Variants in ROBO1 observed in about 807,000 individuals in gnomAD.
ROBO1 encodes roundabout guidance receptor 1.
In ROBO1, 149 loss-of-function variants were observed where a neutral mutation model predicts 195.9. The observed-to-expected ratio is 0.76, with a 90% confidence interval of 0.67 to 0.87. The LOEUF (loss-of-function observed/expected upper bound fraction) is 0.87. Among genes scored for constraint, ROBO1 ranks in the 40% least tolerant of loss-of-function variants. The probability of loss-of-function intolerance (pLI) is 0.00; values close to 1 mark genes in which losing one functional copy is unlikely to be tolerated. For synonymous variants in ROBO1, 816 were observed against 733.2 expected, an observed-to-expected ratio of 1.11 and a Z score of -1.82; for missense variants, 1,933 against 2,068.3, an observed-to-expected ratio of 0.93 and a Z score of 1.27.
chr3:78,639,764 A>T lies in ROBO1; in HGVS notation c.3017T>A (p.Leu1006His), dbSNP rs764558330. 1 of 1,613,308 alleles carries T rather than the reference A, an allele frequency of 6.2e-7. No individual in the cohort carries two copies. Among genetic ancestry groups the T allele is most frequent in the East Asian group, 2.2e-5 (1 of 44,844 alleles). The change falls in exon 22 of 31, where the codon CTC becomes CAC. Residue 1006 changes from leucine to histidine, a missense_variant. Leu to His is a moderately conservative substitution (Grantham distance 99). Transcript: ENST00000464233. ...CTAACCTGGGCGACTGTAGGTAGTG[A>T]GGTTGCTGTCGCTGTTTCCATTGCC... ...TAGNGNSDSN[L>H]TTYSRPADCI...
At chr3:79,021,268 C>G (rs1423908764) in intron 3 of ROBO1, among the ~76,000 whole-genome samples, 1 of 152,158 alleles carries the variant, frequency 6.6e-6, no homozygotes, top group Non-Finnish European at 1.5e-5. Context: ...TAGAATATAT[C>G]TCTTTTTTCT....
intron 2 of ROBO1, among the ~76,000 whole-genome samples, chr3:79,159,597 T>C (rs753819551): frequency 2.0e-5 from 3 of 152,020 alleles, no homozygotes; most frequent in Non-Finnish European, 4.4e-5. Flanking sequence ...GGGAGTACAG[T>C]TGTATAATTG....
At chr3:79,727,854 A>G (rs1702984569) in intron 1 of ROBO1, among the ~76,000 whole-genome samples, 1 of 152,174 alleles carries the variant, frequency 6.6e-6, no homozygotes, top group Non-Finnish European at 1.5e-5. Context: ...TTTTCAAAAC[A>G]CATTTTAGAG....
chr3:78,627,301 G>T lies in ROBO1; in HGVS notation c.3875+20C>A, dbSNP rs1412962780. 1 of 1,602,762 alleles carries T rather than the reference G, an allele frequency of 6.2e-7. No homozygotes were observed. Among genetic ancestry groups the T allele is most frequent in the Admixed American group, 1.7e-5 (1 of 58,710 alleles). On this transcript the variant is annotated intron_variant, in intron 26 of 30. Transcript: ENST00000464233. Reference sequence around the variant, plus strand: ...AGAAATTATCTGATTTGTTAGCAAAGAAGGCTAGTGACAACATACCTCCTG... The same window carrying T: ...AGAAATTATCTGATTTGTTAGCAAATAAGGCTAGTGACAACATACCTCCTG...
In ROBO1 at chr3:79,530,755, C is replaced by CCACACACACACA. The variant is rs59568172; in HGVS notation, c.88+59057_88+59068dup. The stretch of plus-strand genomic sequence containing the variant: ...TATTTAATTCACCCACACCTTGTAA[C>CCACACACACACA]CACACACACACACACACACACACAC... On this transcript the variant is annotated intron_variant, in intron 2 of 30. Transcript: ENST00000464233. 1.2e-3 allele frequency among the ~76,000 whole-genome samples: 158 copies of CCACACACACACA among 128,254 alleles called. 1 individual carries two copies. Among genetic ancestry groups the CCACACACACACA allele is most frequent in the Admixed American group, 1.9e-3 (24 of 12,382 alleles). The allele number at this position is 128,254 out of a possible 152,430, so 84.1% of individuals were successfully genotyped here.
chr3:79,703,663 C>T (rs906491871), intron 1 of ROBO1, among the ~76,000 whole-genome samples: 4 of 151,828 alleles, frequency 2.6e-5, no homozygotes, highest in Admixed American at 6.6e-5. Context: ...TCTGTGTGGT[C>T]TCTTATATGA....
chr3:78,711,155 A>G (rs1391610552), intron 8 of ROBO1, among the ~76,000 whole-genome samples: 1 of 152,150 alleles, frequency 6.6e-6, no homozygotes, highest in African/African-American at 2.4e-5. Context: ...ATCATTCATA[A>G]ATGGCAGTCT....
chr3:78,802,411 C>T (rs1325993663), intron 4 of ROBO1, among the ~76,000 whole-genome samples: 1 of 152,082 alleles, frequency 6.6e-6, no homozygotes, highest in Non-Finnish European at 1.5e-5. Context: ...ATCTTTAGCA[C>T]ATGAAGGAGC....
chr3:78,704,615 GACACAC>G, intron 8 of ROBO1, among the ~76,000 whole-genome samples: 1 of 56,012 alleles, frequency 1.8e-5, no homozygotes, highest in South Asian at 4.8e-4. Flanking sequence ...CACACACACA[GACACAC>G]ACACACGAGT....
At chr3:79,385,648 G>T (rs2036715988) in intron 2 of ROBO1, among the ~76,000 whole-genome samples, 1 of 152,078 alleles carries the variant, frequency 6.6e-6, no homozygotes, top group Non-Finnish European at 1.5e-5. Flanking sequence ...CTGAATGCTA[G>T]ACTTCTGTAA....
chr3:79,408,498 T>C (rs1410937478), intron 2 of ROBO1, among the ~76,000 whole-genome samples: 1 of 152,052 alleles, frequency 6.6e-6, no homozygotes, highest in Non-Finnish European at 1.5e-5. Context: ...GGTGCAGAAA[T>C]AAACATGTAA....
At chr3:79,440,917 T>C (rs1199785407) in intron 2 of ROBO1, among the ~76,000 whole-genome samples, 1 of 152,126 alleles carries the variant, frequency 6.6e-6, no homozygotes, top group Non-Finnish European at 1.5e-5. Flanking sequence ...TTCATAGACA[T>C]GCAAGCAAAT....
chr3:78,808,483 A>G (rs1006278454), intron 4 of ROBO1, among the ~76,000 whole-genome samples: 1 of 152,198 alleles, frequency 6.6e-6, no homozygotes, highest in African/African-American at 2.4e-5. Flanking sequence ...GATTACAGGC[A>G]TGAGCCACCA....
At chr3:79,189,931 C>G (rs1576792877) in intron 2 of ROBO1, among the ~76,000 whole-genome samples, 1 of 151,614 alleles carries the variant, frequency 6.6e-6, no homozygotes, top group Non-Finnish European at 1.5e-5. Context: ...TACAGTAGCC[C>G]TTTACAATTT....
intron 2 of ROBO1, among the ~76,000 whole-genome samples, chr3:79,328,366 A>T (rs546816758): frequency 6.6e-6 from 1 of 152,276 alleles, no homozygotes; most frequent in Non-Finnish European, 1.5e-5. Context: ...TTCGCTAAAT[A>T]TCAATCTTGT....
At chr3:78,898,560 T>C (rs1253857753) in intron 4 of ROBO1, among the ~76,000 whole-genome samples, 3 of 151,454 alleles carry the variant, frequency 2.0e-5, no homozygotes, top group African/African-American at 7.3e-5. Flanking sequence ...GCTAATTTTT[T>C]TGTATTTTTC....
chr3:78,748,913 T>C (rs1402168460), intron 4 of ROBO1, among the ~76,000 whole-genome samples: 2 of 152,178 alleles, frequency 1.3e-5, no homozygotes, highest in South Asian at 2.1e-4. Flanking sequence ...CTAACTTCAA[T>C]ACTATTCAGT....
chr3:79,233,140 A>G (rs1002294701), intron 2 of ROBO1, among the ~76,000 whole-genome samples: 1 of 152,134 alleles, frequency 6.6e-6, no homozygotes, highest in Non-Finnish European at 1.5e-5. Flanking sequence ...TAAAAAAAGA[A>G]AGCAAAATTA....
At chr3:79,334,964 T>G (rs1384060844) in intron 2 of ROBO1, among the ~76,000 whole-genome samples, 1 of 151,482 alleles carries the variant, frequency 6.6e-6, no homozygotes, top group Non-Finnish European at 1.5e-5. Flanking sequence ...AAAAAAAAAA[T>G]TAATTAGCCA....
Sources: allele counts gnomAD v4.1 joint callset (sites outside exome capture counted in the v4.1 genomes callset), GRCh38; gene constraint gnomAD v4.1.1; transcripts MANE v1.5; gene names NCBI Gene and HGNC (gene_info 2026-07-23, HGNC 2026-07-21).